LIMA1: variants seen among roughly 807,000 people sequenced by gnomAD.
The protein encoded by LIMA1 is LIM domain and actin binding 1.
A neutral mutation model predicts 62.6 loss-of-function variants in LIMA1; 52 were observed. The ratio of observed to expected loss-of-function variants is 0.83; its 90% CI spans 0.67 to 1.05. LIMA1 has a LOEUF of 1.05. Among genes scored for constraint, LIMA1 ranks in the 50% least tolerant of loss-of-function variants. The probability of loss-of-function intolerance (pLI) is 0.00; values close to 1 mark genes in which losing one functional copy is unlikely to be tolerated. For synonymous variants in LIMA1, 302 were observed against 317.8 expected (o/e 0.95, Z 0.53); for missense variants, 780 against 902.2 (o/e 0.86, Z 1.74).
At chr12:50,267,284 G>A (rs1456042182) in intron 1 of LIMA1, among the ~76,000 whole-genome samples, 2 of 152,118 alleles carry the variant, frequency 1.3e-5, no homozygotes, top group African/African-American at 4.8e-5. Context: ...TGTTAGCCAG[G>A]ATGGTCTCGA....
intron 2 of LIMA1, among the ~76,000 whole-genome samples, chr12:50,244,996 C>T (rs1191653231): frequency 6.6e-6 from 1 of 152,176 alleles, no homozygotes. Context: ...AAACAGAAGG[C>T]TCCAATCAAA....
intron 2 of LIMA1, 124 bp from the exon 3 acceptor site, chr12:50,231,834 CTCG>C: frequency 1.2e-6 from 1 of 825,226 alleles, no homozygotes; most frequent in Non-Finnish European, 1.9e-6. Flanking sequence ...GTGGTGCGAT[CTCG>C]GCTCACTGCA....
intron 1 of LIMA1, among the ~76,000 whole-genome samples, chr12:50,255,915 A>G (rs186443537): frequency 2.6e-5 from 4 of 151,830 alleles, no homozygotes; most frequent in African/African-American, 9.7e-5. Context: ...TTTGAGATGG[A>G]GTCTCACTCT....
chr12:50,212,869 CA>C (rs774255642), intron 4 of LIMA1, among the ~76,000 whole-genome samples: 12 of 152,014 alleles, frequency 7.9e-5, no homozygotes, highest in Non-Finnish European at 1.3e-4. Flanking sequence ...GGATGGAGTG[CA>C]GTGGTATGAT....
In LIMA1 at chr12:50,200,510, A is replaced by T. The variant is rs550679079; in HGVS notation, c.972+267T>A. Reference sequence around the variant, plus strand: ...GCCACTGTGCCCAGCCTCCAAATAGATTTTAAAAAATCACTTCAGCTCTTT... The same window carrying T: ...GCCACTGTGCCCAGCCTCCAAATAGTTTTTAAAAAATCACTTCAGCTCTTT... On this transcript the variant is annotated intron_variant, in intron 7 of 10. Coordinates refer to ENST00000341247, the MANE Select transcript of LIMA1 (RefSeq NM_016357.5). 5.9e-5 allele frequency among the ~76,000 whole-genome samples: 9 copies of T among 152,312 alleles called. 1 individual carries two copies. In the South Asian group the frequency reaches 1.9e-3, roughly 32 times the overall value.
At chr12:50,263,516 G>A (rs1017519108) in intron 1 of LIMA1, among the ~76,000 whole-genome samples, 2 of 152,246 alleles carry the variant, frequency 1.3e-5, no homozygotes, top group Middle Eastern at 3.4e-3. Context: ...ATGTCAAAGT[G>A]CATCAGACAT....
intron 3 of LIMA1, among the ~76,000 whole-genome samples, chr12:50,231,394 C>A (rs1449902490): frequency 1.3e-5 from 2 of 152,214 alleles, no homozygotes; most frequent in Admixed American, 1.3e-4. Flanking sequence ...TGAGTAGAAG[C>A]CATTTTACTA....
chr12:50,283,175 G>A (rs1388413291), intron 1 of LIMA1, among the ~76,000 whole-genome samples: 1 of 139,748 alleles, frequency 7.2e-6, no homozygotes, highest in Non-Finnish European at 1.6e-5. Context: ...GGGAGAGGAC[G>A]GGGTATTTGC....
At chr12:50,264,160 C>G (rs11612788) in intron 1 of LIMA1, among the ~76,000 whole-genome samples, 1 of 151,838 alleles carries the variant, frequency 6.6e-6, no homozygotes, top group Non-Finnish European at 1.5e-5. Context: ...AGGTCCAGAA[C>G]AGGAAAATCT....
intron 1 of LIMA1, among the ~76,000 whole-genome samples, chr12:50,275,332 C>T (rs1942263889): frequency 6.6e-6 from 1 of 152,122 alleles, no homozygotes. Context: ...TGCGCCATTG[C>T]ACTCCAACCT....
chr12:50,256,781 G>A (rs7486747), intron 1 of LIMA1, among the ~76,000 whole-genome samples: 48,786 of 151,946 alleles, frequency 0.32, 8,105 homozygotes, highest in South Asian at 0.47. Context: ...GATCAGCCTG[G>A]AACATCTTGC....
At chr12:50,274,132 T>C (rs562846696) in intron 1 of LIMA1, among the ~76,000 whole-genome samples, 2 of 152,122 alleles carry the variant, frequency 1.3e-5, no homozygotes, top group Non-Finnish European at 2.9e-5. Context: ...TCAGCTGTTG[T>C]CCAGTTAAAA....
At chr12:50,186,578 T>A (rs180938942) in intron 9 of LIMA1, 2 of 152,470 alleles carry the variant, frequency 1.3e-5, no homozygotes, top group Admixed American at 1.3e-4. Context: ...ATAAAGATGC[T>A]TATCCAATCG....
chr12:50,264,422 C>T (rs1369518121), intron 1 of LIMA1, among the ~76,000 whole-genome samples: 1 of 152,160 alleles, frequency 6.6e-6, no homozygotes, highest in African/African-American at 2.4e-5. Context: ...TCATTAGACT[C>T]GATGACAGAT....
In LIMA1 at chr12:50,195,891, C is replaced by CAAAAAAAAAAAAAAAAAAAAA; in HGVS notation, c.973-25_973-5dup. 9.1e-7 allele frequency: 1 copy of CAAAAAAAAAAAAAAAAAAAAA among 1,093,460 alleles called. No individual in the cohort carries two copies. Among genetic ancestry groups the CAAAAAAAAAAAAAAAAAAAAA allele is most frequent in the Non-Finnish European group, 1.1e-6 (1 of 873,312 alleles). The allele number at this position is 1,093,460 out of a possible 1,614,324, so 67.7% of individuals were successfully genotyped here. On this transcript the variant is annotated splice_polypyrimidine_tract_variant and splice_region_variant and intron_variant, in intron 7 of 10. Coordinates refer to ENST00000341247, the MANE Select transcript of LIMA1 (RefSeq NM_016357.5). ...GGCTATTCTCATTTGCAGAAATCTA[C>CAAAAAAAAAAAAAAAAAAAAA]AAAAAAAAAAAAAAAAAAAAAGTTA... is the stretch of plus-strand genomic sequence containing the variant.
At chr12:50,195,449 C>T (rs1940907650) in intron 8 of LIMA1, among the ~76,000 whole-genome samples, 1 of 151,980 alleles carries the variant, frequency 6.6e-6, no homozygotes, top group Admixed American at 6.6e-5. Flanking sequence ...TATTCAAATA[C>T]TTATTCACTA....
intron 1 of LIMA1, chr12:50,256,430 T>G (rs2138660714): frequency 6.6e-6 from 1 of 152,316 alleles, no homozygotes; most frequent in South Asian, 2.1e-4. Context: ...TAGCTTTATC[T>G]TATATTACCA....
At chr12:50,225,576 G>A (rs762529665) in intron 3 of LIMA1, among the ~76,000 whole-genome samples, 13 of 151,690 alleles carry the variant, frequency 8.6e-5, no homozygotes, top group South Asian at 2.1e-4. Flanking sequence ...TTTTTGAGAC[G>A]GAGTCTCACT....
At chr12:50,190,861 T>TA (rs1266238275) in intron 9 of LIMA1, among the ~76,000 whole-genome samples, 1 of 150,294 alleles carries the variant, frequency 6.7e-6, no homozygotes, top group Non-Finnish European at 1.5e-5. Context: ...CTCATACCTG[T>TA]AATCCCAGCA....
Sources: gnomAD v4.1 joint callset for allele counts (sites outside exome capture counted in the v4.1 genomes callset) on GRCh38, gnomAD v4.1.1 for gene constraint, MANE v1.5 for transcripts, NCBI Gene and HGNC (gene_info 2026-07-23, HGNC 2026-07-21) for gene names.